DAPK2: variants seen among roughly 807,000 people sequenced by gnomAD.
The protein encoded by DAPK2 is death associated protein kinase 2.
A neutral mutation model predicts 44.1 loss-of-function variants in DAPK2; 35 were observed. The ratio of observed to expected loss-of-function variants is 0.79; its 90% CI spans 0.61 to 1.05. The LOEUF is 1.05. Among genes scored for constraint, DAPK2 ranks in the 50% least tolerant of loss-of-function variants. The pLI is 0.00. For missense variants in DAPK2, 453 were observed against 483.2 expected (o/e 0.94, Z 0.59); for synonymous variants, 174 against 182.6 (o/e 0.95, Z 0.38).
At chr15:64,035,972 A>G (rs1268473899) in intron 1 of DAPK2, among the ~76,000 whole-genome samples, 1 of 152,162 alleles carries the variant, frequency 6.6e-6, no homozygotes. Context: ...CTCTAAAGGA[A>G]TCAGAAACAT....
chr15:64,027,076 T>C (rs1015035366), intron 1 of DAPK2, among the ~76,000 whole-genome samples: 5 of 151,804 alleles, frequency 3.3e-5, no homozygotes, highest in Non-Finnish European at 7.4e-5. Context: ...AAACCCTGTC[T>C]CTATAAAAAA....
At chr15:64,001,623 C>T (rs1036224918) in intron 1 of DAPK2, among the ~76,000 whole-genome samples, 68 of 152,266 alleles carry the variant, frequency 4.5e-4, no homozygotes, top group African/African-American at 1.6e-3. Flanking sequence ...GAGCCCCGGG[C>T]TGTACTTCCC....
intron 1 of DAPK2, among the ~76,000 whole-genome samples, chr15:64,018,055 A>T (rs751482978): frequency 6.6e-6 from 1 of 152,200 alleles, no homozygotes; most frequent in African/African-American, 2.4e-5. Context: ...TGGCCCAAAA[A>T]AGTCATTTTT....
At chr15:63,984,229 A>G (rs996597555) in intron 1 of DAPK2, among the ~76,000 whole-genome samples, 1 of 152,136 alleles carries the variant, frequency 6.6e-6, no homozygotes, top group African/African-American at 2.4e-5. Context: ...ATAAACAGAG[A>G]GTTGTACAAT....
At chr15:64,036,031 G>A (rs866107763) in intron 1 of DAPK2, among the ~76,000 whole-genome samples, 1 of 151,812 alleles carries the variant, frequency 6.6e-6, no homozygotes, top group African/African-American at 2.4e-5. Context: ...TTTATTTTTT[G>A]GGGGGAGGAT....
At chr15:64,029,561 C>G (rs941269081) in intron 1 of DAPK2, among the ~76,000 whole-genome samples, 2 of 152,240 alleles carry the variant, frequency 1.3e-5, no homozygotes, top group African/African-American at 4.8e-5. Context: ...ACTATTAGCA[C>G]ATAGTCTAGG....
chr15:64,027,062 G>C (rs1389487718), intron 1 of DAPK2, among the ~76,000 whole-genome samples: 1 of 152,074 alleles, frequency 6.6e-6, no homozygotes, highest in Non-Finnish European at 1.5e-5. Context: ...TGGACAACAT[G>C]ACAAAACCCT....
chr15:63,945,717 G>A (rs971403044), intron 3 of DAPK2, among the ~76,000 whole-genome samples: 4 of 152,164 alleles, frequency 2.6e-5, no homozygotes, highest in Non-Finnish European at 4.4e-5. Context: ...CTTTCTCTGG[G>A]CCTCAGCCCC....
intron 1 of DAPK2, among the ~76,000 whole-genome samples, chr15:64,026,980 C>T (rs2079865897): frequency 6.6e-6 from 1 of 152,142 alleles, no homozygotes; most frequent in Non-Finnish European, 1.5e-5. Flanking sequence ...TAGTGGCTCA[C>T]CGCCTGTAAT....
At position 64,020,688 on chromosome 15, in the gene DAPK2, T is replaced by C. The variant is rs558885316; in HGVS notation, c.92+19482A>G. ...ATAGAAAGGAAATGTAGGAGAATCA[T>C]GGAATGACGTCAGGGTAGCCCCTTG... On this transcript the variant is annotated intron_variant, in intron 1 of 10. Transcript: ENST00000261891. The surrounding 1 kb of genome is among the most constrained non-coding windows in gnomAD (Gnocchi z 4.5). Among the ~76,000 whole-genome samples, 164 of 152,348 alleles carry C rather than the reference T, an allele frequency of 1.1e-3. 1 individual carries two copies. The highest frequency in any genetic ancestry group is 1.1e-3 in the Non-Finnish European group (72 of 68,026).
chr15:64,040,335 C>T (rs2080319615), upstream of DAPK2: 3 of 1,240,708 alleles, frequency 2.4e-6, no homozygotes, highest in Non-Finnish European at 2.4e-6. Flanking sequence ...AGTCTAAGGC[C>T]TAAACGTAAT....
chr15:63,978,920 A>T (rs1258054751), intron 2 of DAPK2, among the ~76,000 whole-genome samples: 3 of 152,194 alleles, frequency 2.0e-5, no homozygotes, highest in Non-Finnish European at 4.4e-5. Context: ...CTCTTCTGGA[A>T]ATGTATACAT....
At position 63,978,589 on chromosome 15, in the gene DAPK2, C is replaced by T. The variant is rs192922667; in HGVS notation, c.314+4944G>A. On this transcript the variant is annotated intron_variant, in intron 2 of 10. Transcript: ENST00000261891. ...CTCAGAAAGGTGGGAGGCTGATGAC[C>T]TGCCACTGTCTAGGCCCTGGATACC... is the stretch of plus-strand genomic sequence containing the variant. Among the ~76,000 whole-genome samples, 87 of 152,250 alleles carry T rather than the reference C, an allele frequency of 5.7e-4. 2 individuals are homozygous for T. The highest frequency in any genetic ancestry group is 2.0e-3 in the African/African-American group (83 of 41,540).
chr15:63,937,022 C>A (rs1322150064), intron 4 of DAPK2, among the ~76,000 whole-genome samples: 1 of 149,692 alleles, frequency 6.7e-6, no homozygotes, highest in Non-Finnish European at 1.5e-5. Flanking sequence ...AGGAGGAGGG[C>A]TTTTCAGAAC....
At chr15:63,998,215 G>T (rs537134951) in intron 1 of DAPK2, among the ~76,000 whole-genome samples, 1 of 152,300 alleles carries the variant, frequency 6.6e-6, no homozygotes, top group Admixed American at 6.5e-5. Context: ...ACCCATGGGT[G>T]CAGGCTGCCC....
At chr15:64,027,553 C>T (rs189884267) in intron 1 of DAPK2, among the ~76,000 whole-genome samples, 5 of 151,920 alleles carry the variant, frequency 3.3e-5, no homozygotes, top group African/African-American at 1.2e-4. Context: ...CAGAGCAAGA[C>T]CCTGTCTCAA....
At chr15:63,992,524 G>A (rs545544743) in intron 1 of DAPK2, among the ~76,000 whole-genome samples, 29 of 152,336 alleles carry the variant, frequency 1.9e-4, no homozygotes, top group Admixed American at 5.2e-4. Flanking sequence ...GACAAACGCA[G>A]ATGAAAAGGA....
upstream of DAPK2, among the ~76,000 whole-genome samples, chr15:64,044,806 G>C (rs2080422895): frequency 6.6e-6 from 1 of 152,208 alleles, no homozygotes; most frequent in Non-Finnish European, 1.5e-5. Flanking sequence ...CCAAGTGCAA[G>C]TGAGTGAAAC....
chr15:63,949,966 G>C (rs76298442), intron 3 of DAPK2, among the ~76,000 whole-genome samples: 5,780 of 152,182 alleles, frequency 0.038, 141 homozygotes, highest in South Asian at 0.063. Flanking sequence ...AAAAAGTTTT[G>C]AGGGAAAAAG....
Sources: allele counts gnomAD v4.1 joint callset (sites outside exome capture counted in the v4.1 genomes callset), GRCh38; gene constraint gnomAD v4.1.1; non-coding constraint Gnocchi (gnomAD v3.1); transcripts MANE v1.5; gene names NCBI Gene and HGNC (gene_info 2026-07-23, HGNC 2026-07-21).